The following STAU1 variants were observed in gnomAD, a reference collection of about 807,000 sequenced individuals.
The protein encoded by STAU1 is staufen double-stranded RNA binding protein 1.
In STAU1, 13 loss-of-function variants were observed where a neutral mutation model predicts 62.9. The ratio of observed to expected loss-of-function variants is 0.21; its 90% CI spans 0.13 to 0.33. The LOEUF (loss-of-function observed/expected upper bound fraction) is 0.33. Among genes scored for constraint, STAU1 ranks in the 10% least tolerant of loss-of-function variants. The pLI is 1.00. For synonymous variants in STAU1, 269 were observed against 265.1 expected, an observed-to-expected ratio of 1.01 and a Z score of -0.14; for missense variants, 571 against 712.1, an observed-to-expected ratio of 0.80 and a Z score of 2.25.
intron 5 of STAU1, 84 bp from the exon 6 acceptor site, chr20:49,136,015 C>T (rs1230621740): frequency 4.8e-6 from 5 of 1,044,372 alleles, no homozygotes; most frequent in Non-Finnish European, 7.0e-6. Flanking sequence ...AATCCCAGCA[C>T]TTTGAAGGCT....
chr20:49,213,002 T>TTTTA, the STAU1 span, among the ~76,000 whole-genome samples: 1 of 151,960 alleles, frequency 6.6e-6, no homozygotes, highest in African/African-American at 2.4e-5. Flanking sequence ...TTTTATTTTA[T>TTTTA]TTTATTTATT....
chr20:49,169,530 T>C (rs1241418263), intron 2 of STAU1, among the ~76,000 whole-genome samples: 1 of 152,196 alleles, frequency 6.6e-6, no homozygotes, highest in Non-Finnish European at 1.5e-5. Flanking sequence ...TTTAAACCTG[T>C]CTTTAAGGAT....
the STAU1 span, among the ~76,000 whole-genome samples, chr20:49,211,078 C>G: frequency 6.6e-6 from 1 of 152,034 alleles, no homozygotes; most frequent in East Asian, 1.9e-4. Context: ...TAATATGTAA[C>G]CTTTGGTGTC....
intron 6 of STAU1, among the ~76,000 whole-genome samples, chr20:49,125,043 T>C (rs899000599): frequency 2.2e-5 from 2 of 90,090 alleles, no homozygotes; most frequent in Non-Finnish European, 4.3e-5. Context: ...TAAGCACTGA[T>C]AAAGAGGGAT....
the STAU1 span, among the ~76,000 whole-genome samples, chr20:49,217,512 T>C: frequency 6.6e-6 from 1 of 152,190 alleles, no homozygotes; most frequent in Admixed American, 6.6e-5. Flanking sequence ...TTGCATCCTT[T>C]GTATCCGGAG....
chr20:49,143,343 G>A (rs1357437010), intron 5 of STAU1, among the ~76,000 whole-genome samples: 1 of 152,156 alleles, frequency 6.6e-6, no homozygotes, highest in Non-Finnish European at 1.5e-5. Context: ...TATAATCTCT[G>A]CACTTTGAGA....
chr20:49,171,546 C>T (rs1329666987), intron 2 of STAU1, among the ~76,000 whole-genome samples: 4 of 152,236 alleles, frequency 2.6e-5, no homozygotes, highest in Admixed American at 2.0e-4. Flanking sequence ...CTCGGCCTCC[C>T]GAAGTGCTGG....
At chr20:49,186,764 A>T (rs35667796) in intron 1 of STAU1, among the ~76,000 whole-genome samples, 1 of 151,834 alleles carries the variant, frequency 6.6e-6, no homozygotes. Context: ...TGCAATTTAC[A>T]CTTGGTAAGC....
chr20:49,204,646 ATTTTTTTTTT>A, the STAU1 span, among the ~76,000 whole-genome samples: 18 of 32,166 alleles, frequency 5.6e-4, no homozygotes, highest in Admixed American at 1.4e-3. Flanking sequence ...ATATATATAT[ATTTTTTTTTT>A]TTTTTTTTTT....
intron 4 of STAU1, among the ~76,000 whole-genome samples, chr20:49,152,340 C>CTTTTTTTTT (rs3092547): frequency 1.9e-5 from 2 of 104,576 alleles, no homozygotes; most frequent in Non-Finnish European, 1.8e-5. Flanking sequence ...CCACTAATGT[C>CTTTTTTTTT]TTTTTTTTTT....
chr20:49,198,918 G>A, the STAU1 span, among the ~76,000 whole-genome samples: 3 of 151,828 alleles, frequency 2.0e-5, no homozygotes, highest in East Asian at 2.0e-4. Context: ...AGCCAAGATC[G>A]TGCCACTACA....
At chr20:49,130,468 C>A (rs2092726231) in intron 6 of STAU1, among the ~76,000 whole-genome samples, 1 of 152,082 alleles carries the variant, frequency 6.6e-6, no homozygotes, top group African/African-American at 2.4e-5. Flanking sequence ...CCTCAAGAAG[C>A]CTGACCACCC....
At position 49,118,140 on chromosome 20, in the gene STAU1, C is replaced by T. The variant is rs780570941; in HGVS notation, c.1190-44G>A. On this transcript the variant is annotated intron_variant, in intron 10 of 13. Coordinates refer to ENST00000371856, the MANE Select transcript of STAU1 (RefSeq NM_017453.4). ...GTAAACACGAATCCACATCCACAGCCTGGAAAAACGCAATGACACCATCAA... is the reference window on the plus strand; with the variant it reads ...GTAAACACGAATCCACATCCACAGCTTGGAAAAACGCAATGACACCATCAA... The T allele has an allele frequency of 4.4e-6, 7 of 1,583,688 alleles. No homozygotes were observed. In the African/African-American group the frequency reaches 8.1e-5, roughly 18 times the overall value.
At chr20:49,128,005 T>C (rs1324732384) in intron 6 of STAU1, among the ~76,000 whole-genome samples, 1 of 152,002 alleles carries the variant, frequency 6.6e-6, no homozygotes, top group Non-Finnish European at 1.5e-5. Context: ...CAAAATTACC[T>C]GGGCGTGGTA....
chr20:49,217,657 G>GT, the STAU1 span, among the ~76,000 whole-genome samples: 1,736 of 135,130 alleles, frequency 0.013, 11 homozygotes, highest in Non-Finnish European at 0.019. Context: ...AGCCCATCCT[G>GT]TTTTTTTTTT....
At chr20:49,206,719 T>TTATATATATATATATA in the STAU1 span, among the ~76,000 whole-genome samples, 1,722 of 105,452 alleles carry the variant, frequency 0.016, 14 homozygotes, top group East Asian at 0.028. Flanking sequence ...AAATGAAATT[T>TTATATATATATATATA]TATATATATA....
At chr20:49,159,825 G>A (rs2093421920) in intron 3 of STAU1, among the ~76,000 whole-genome samples, 1 of 152,200 alleles carries the variant, frequency 6.6e-6, no homozygotes, top group South Asian at 2.1e-4. Context: ...GCCTTCCAAA[G>A]TGCTGTGAAT....
intron 2 of STAU1, among the ~76,000 whole-genome samples, chr20:49,168,995 G>A (rs528113037): frequency 6.6e-6 from 1 of 150,676 alleles, no homozygotes; most frequent in East Asian, 1.9e-4. Flanking sequence ...CTGTTGCCTA[G>A]GGTGGAGTGC....
At chr20:49,137,228 C>A (rs753046966) in intron 5 of STAU1, among the ~76,000 whole-genome samples, 1 of 152,114 alleles carries the variant, frequency 6.6e-6, no homozygotes, top group Non-Finnish European at 1.5e-5. Context: ...TACAAAACTG[C>A]CATGTATCTC....
Sources: gnomAD v4.1 joint callset for allele counts (sites outside exome capture counted in the v4.1 genomes callset) on GRCh38, gnomAD v4.1.1 for gene constraint, MANE v1.5 for transcripts, NCBI Gene and HGNC (gene_info 2026-07-23, HGNC 2026-07-21) for gene names.